MRM1: variants seen among roughly 807,000 people sequenced by gnomAD.
MRM1 encodes the protein rRNA methyltransferase 1, mitochondrial.
Under a neutral mutation model 25.0 loss-of-function variants are expected in MRM1, and 24 were observed. The observed-to-expected ratio is 0.96, with a 90% confidence interval of 0.69 to 1.35. The LOEUF (loss-of-function observed/expected upper bound fraction) is 1.35. Among genes scored for constraint, MRM1 ranks in the 40% most tolerant of loss-of-function variants. The probability of loss-of-function intolerance (pLI) is 0.00; values close to 1 mark genes in which losing one functional copy is unlikely to be tolerated. For missense variants in MRM1, 431 were observed against 464.1 expected (o/e 0.93, Z 0.65); for synonymous variants, 188 against 199.2 (o/e 0.94, Z 0.47).
chr17:36,607,837 C>T (rs1284505128), intron 3 of MRM1, 35 bp downstream of exon 3: 2 of 1,611,876 alleles, frequency 1.2e-6, no homozygotes, highest in Non-Finnish European at 1.7e-6. Flanking sequence ...GCCCAGATTA[C>T]ATTTCCCGAG....
chr17:36,624,180 C>G, the MRM1 span, among the ~76,000 whole-genome samples: 44 of 152,334 alleles, frequency 2.9e-4, no homozygotes, highest in South Asian at 6.0e-3. This position sits in a 1 kb window ranked among gnomAD's most constrained non-coding sequence, Gnocchi z 4.0. Flanking sequence ...TCCAGTCTCT[C>G]CCCTGTCCTG....
the MRM1 span, among the ~76,000 whole-genome samples, chr17:36,631,249 C>T: frequency 6.6e-6 from 1 of 152,228 alleles, no homozygotes; most frequent in African/African-American, 2.4e-5. Flanking sequence ...GACATCTGCC[C>T]TGCCTGTTAC....
the MRM1 span, among the ~76,000 whole-genome samples, chr17:36,616,586 G>A: frequency 1.3e-4 from 20 of 152,300 alleles, 1 homozygote; most frequent in East Asian, 3.1e-3. Context: ...CAACAGTCTC[G>A]CTTCAGTGAG....
chr17:36,602,969 C>G lies in MRM1; in HGVS notation c.636+323C>G, dbSNP rs929006556. ...ATGCATTTTGTTCAGCTGTGGGGAG[C>G]TGCGTACAGGAGACCTGAGTTCCTC... On this transcript the variant is annotated intron_variant, in intron 2 of 4. Transcript: ENST00000614766. This position sits in a 1 kb window ranked among gnomAD's most constrained non-coding sequence, Gnocchi z 4.1. 4.1e-6 allele frequency: 4 copies of G among 985,406 alleles called. No individual in the cohort carries two copies. The African/African-American group carries it at 7.0e-5, about 17-fold the overall frequency. 61.0% of individuals were successfully genotyped at this position (985,406 alleles called of 1,614,324 possible). A position where few individuals can be genotyped will look rare whatever the true frequency, so the allele number is the denominator to read the frequency against.
downstream of MRM1, among the ~76,000 whole-genome samples, chr17:36,611,232 G>A (rs766074497): frequency 6.6e-6 from 1 of 152,196 alleles, no homozygotes; most frequent in Non-Finnish European, 1.5e-5. Context: ...GTGCTTTTGA[G>A]CTCATGCCTG....
the MRM1 span, among the ~76,000 whole-genome samples, chr17:36,630,208 T>C: frequency 6.6e-6 from 1 of 152,192 alleles, no homozygotes; most frequent in Non-Finnish European, 1.5e-5. Context: ...ATTATTTCCC[T>C]GCCTGCAGGC....
the MRM1 span, among the ~76,000 whole-genome samples, chr17:36,617,655 C>T: frequency 6.6e-6 from 1 of 152,244 alleles, no homozygotes; most frequent in African/African-American, 2.4e-5. Context: ...TTTGGCTTCC[C>T]AAAGTGCTGG....
chr17:36,626,115 G>A, the MRM1 span, among the ~76,000 whole-genome samples: 1 of 152,062 alleles, frequency 6.6e-6, no homozygotes, highest in South Asian at 2.1e-4. Context: ...GATTGGCTGC[G>A]TTTCCCCTCC....
At chr17:36,630,687 A>AG in the MRM1 span, among the ~76,000 whole-genome samples, 41 of 152,148 alleles carry the variant, frequency 2.7e-4, no homozygotes, top group South Asian at 8.3e-4. Flanking sequence ...GCAGGGACTG[A>AG]GGGGGTCTGT....
chr17:36,623,929 C>A, the MRM1 span, among the ~76,000 whole-genome samples: 1 of 152,242 alleles, frequency 6.6e-6, no homozygotes, highest in South Asian at 2.1e-4. Flanking sequence ...TGCAATAGAT[C>A]CCATGCACCG....
At chr17:36,619,594 G>C in the MRM1 span, among the ~76,000 whole-genome samples, 1 of 152,050 alleles carries the variant, frequency 6.6e-6, no homozygotes, top group Admixed American at 6.6e-5. Context: ...CTTGAACCTA[G>C]GAGGCGGAGG....
the MRM1 span, among the ~76,000 whole-genome samples, chr17:36,630,972 C>T: frequency 9.2e-5 from 14 of 152,288 alleles, no homozygotes; most frequent in East Asian, 2.3e-3. Context: ...GGGCTTAACT[C>T]TATGTGGCTG....
At chr17:36,624,480 T>C in the MRM1 span, among the ~76,000 whole-genome samples, 7 of 149,186 alleles carry the variant, frequency 4.7e-5, no homozygotes, top group South Asian at 2.1e-4. The surrounding 1 kb of genome is among the most constrained non-coding windows in gnomAD (Gnocchi z 4.0). Flanking sequence ...GAATCCAAAA[T>C]GGGACGTTAG....
At chr17:36,618,045 C>T in the MRM1 span, among the ~76,000 whole-genome samples, 2 of 152,108 alleles carry the variant, frequency 1.3e-5, no homozygotes, top group African/African-American at 4.8e-5. Context: ...GTGCTGAGGT[C>T]CCAGTGGAGC....
chr17:36,628,835 G>T, the MRM1 span, among the ~76,000 whole-genome samples: 1 of 152,156 alleles, frequency 6.6e-6, no homozygotes, highest in African/African-American at 2.4e-5. Flanking sequence ...CACAGCTCAT[G>T]TAGAGCCAGG....
chr17:36,603,679 A>G (rs1394393846), intron 2 of MRM1, among the ~76,000 whole-genome samples: 3 of 152,154 alleles, frequency 2.0e-5, no homozygotes, highest in Non-Finnish European at 4.4e-5. Context: ...GATTATAGGC[A>G]TGAGCCACCG....
chr17:36,622,214 T>G, the MRM1 span, among the ~76,000 whole-genome samples: 8 of 152,288 alleles, frequency 5.3e-5, no homozygotes, highest in East Asian at 1.5e-3. Context: ...CTCCTGTCCC[T>G]ATGGAAATGG....
chr17:36,610,900 G>A (rs189405889), downstream of MRM1, among the ~76,000 whole-genome samples: 10 of 152,188 alleles, frequency 6.6e-5, no homozygotes, highest in African/African-American at 2.4e-4. Flanking sequence ...TGCAACCTCT[G>A]GCTCCTGGGT....
chr17:36,619,582 T>C, the MRM1 span, among the ~76,000 whole-genome samples: 3 of 151,874 alleles, frequency 2.0e-5, no homozygotes, highest in African/African-American at 7.3e-5. Flanking sequence ...GCAGGAGAAT[T>C]GCTTGAACCT....
Sources: allele counts gnomAD v4.1 joint callset (sites outside exome capture counted in the v4.1 genomes callset), GRCh38; gene constraint gnomAD v4.1.1; non-coding constraint Gnocchi (gnomAD v3.1); transcripts MANE v1.5; gene names NCBI Gene and HGNC (gene_info 2026-07-23, HGNC 2026-07-21).